PBRM1: variants seen among roughly 807,000 people sequenced by gnomAD.
PBRM1 encodes the protein protein polybromo-1.
A neutral mutation model predicts 194.5 loss-of-function variants in PBRM1; 27 were observed. The observed-to-expected ratio is 0.14, with a 90% CI of 0.10 to 0.19. PBRM1 has a LOEUF of 0.19. PBRM1 is among the 10% of genes least tolerant of loss of function. The pLI, the probability that PBRM1 is intolerant of heterozygous loss-of-function variation, is 1.00. For synonymous variants in PBRM1, 655 were observed against 693.2 expected (o/e 0.94, Z 0.87); for missense variants, 1,466 against 2,077.2 (o/e 0.71, Z 5.72).
At chr3:52,597,625 C>T (rs918901335) in intron 17 of PBRM1, among the ~76,000 whole-genome samples, 1 of 152,092 alleles carries the variant, frequency 6.6e-6, no homozygotes, top group African/African-American at 2.4e-5. Context: ...CTGGCACCAT[C>T]ACAGCTCACT....
chr3:52,566,528 C>T (rs1393842976), intron 22 of PBRM1, among the ~76,000 whole-genome samples: 3 of 152,066 alleles, frequency 2.0e-5, no homozygotes, highest in African/African-American at 4.8e-5. Context: ...GCCTTGAAAA[C>T]ATTAGGCTAA....
At chr3:52,619,838 C>A (rs556408133) in intron 13 of PBRM1, among the ~76,000 whole-genome samples, 43 of 152,220 alleles carry the variant, frequency 2.8e-4, no homozygotes, top group African/African-American at 1.0e-3. Flanking sequence ...TTCAGAAATG[C>A]CTATAACTCA....
intron 20 of PBRM1, among the ~76,000 whole-genome samples, chr3:52,584,832 T>TA (rs2092111101): frequency 6.6e-6 from 1 of 152,180 alleles, no homozygotes; most frequent in Non-Finnish European, 1.5e-5. Flanking sequence ...AAATATTAAG[T>TA]AACACTAGAA....
At chr3:52,558,338 C>T (rs968064758) in exon 26 of PBRM1, 8 of 1,549,924 alleles carry the variant, frequency 5.2e-6, no homozygotes, top group Admixed American at 3.9e-5. Flanking sequence ...GGTGCCTGCT[C>T]GGGGAGAAGC....
chr3:52,684,071 G>A (rs559839273), upstream of PBRM1, among the ~76,000 whole-genome samples: 2 of 150,892 alleles, frequency 1.3e-5, no homozygotes, highest in Non-Finnish European at 2.9e-5. Context: ...GGGATGCTGA[G>A]GTGAGAGGAC....
chr3:52,584,616 T>G (rs936980634), intron 20 of PBRM1, among the ~76,000 whole-genome samples: 1 of 151,920 alleles, frequency 6.6e-6, no homozygotes, highest in Non-Finnish European at 1.5e-5. Flanking sequence ...CTACCATGCC[T>G]GGCTAATTTT....
chr3:52,550,853 C>G (rs1250441072), intron 27 of PBRM1, 36 bp from the exon 30 acceptor site: 1 of 1,416,714 alleles, frequency 7.1e-7, no homozygotes, highest in East Asian at 2.3e-5. Flanking sequence ...GTTAGAGGCT[C>G]TGGGTTGAAA....
At chr3:52,644,327 T>C (rs2096222813) in intron 8 of PBRM1, among the ~76,000 whole-genome samples, 1 of 152,146 alleles carries the variant, frequency 6.6e-6, no homozygotes, top group Admixed American at 6.6e-5. Flanking sequence ...ACCGTGTTAA[T>C]GTTTATTGAT....
intron 8 of PBRM1, among the ~76,000 whole-genome samples, chr3:52,644,343 TA>T (rs2096223356): frequency 6.6e-6 from 1 of 152,084 alleles, no homozygotes; most frequent in Admixed American, 6.6e-5. Context: ...TTGATTTCAC[TA>T]CCTAGAAAAC....
At chr3:52,638,915 T>C (rs1369124591) in intron 10 of PBRM1, among the ~76,000 whole-genome samples, 1 of 147,846 alleles carries the variant, frequency 6.8e-6, no homozygotes, top group Non-Finnish European at 1.5e-5. Context: ...CCATTTTAGG[T>C]GCTTATTTTC....
At chr3:52,584,074 T>C (rs988749958) in intron 20 of PBRM1, among the ~76,000 whole-genome samples, 7 of 152,204 alleles carry the variant, frequency 4.6e-5, no homozygotes, top group African/African-American at 1.4e-4. Flanking sequence ...TACCCCTTTT[T>C]CCCCCTTGTT....
At chr3:52,596,560 T>C (rs1180292396) in intron 17 of PBRM1, among the ~76,000 whole-genome samples, 1 of 149,756 alleles carries the variant, frequency 6.7e-6, no homozygotes, top group Non-Finnish European at 1.5e-5. Flanking sequence ...CAGCAGGTGA[T>C]GAATTCTACC....
At chr3:52,595,585 G>A (rs1467682066) in intron 17 of PBRM1, among the ~76,000 whole-genome samples, 2 of 152,176 alleles carry the variant, frequency 1.3e-5, no homozygotes, top group Admixed American at 6.5e-5. Flanking sequence ...AATCCATTGT[G>A]AGATGGTTAG....
At position 52,579,250 on chromosome 3, in the gene PBRM1, G is replaced by A. The variant is rs779928743; in HGVS notation, c.3388-51C>T. 26 of 1,525,136 alleles carry A rather than the reference G, an allele frequency of 1.7e-5. No individual in the cohort carries two copies. The South Asian group carries it at 2.8e-4, about 17-fold the overall frequency. 94.5% of individuals were successfully genotyped at this position (1,525,136 alleles called of 1,614,324 possible). A position where few individuals can be genotyped will look rare whatever the true frequency, so the allele number is the denominator to read the frequency against. ...AAAGGTAGTTGATAATCAAGGAATAGAGAAGGTAAGAAACGAAAGCAGACT... is the reference window on the plus strand; with the variant it reads ...AAAGGTAGTTGATAATCAAGGAATAAAGAAGGTAAGAAACGAAAGCAGACT... On this transcript the variant is annotated intron_variant, in intron 20 of 29. Transcript: ENST00000296302.
intron 7 of PBRM1, 113 bp from the exon 9 acceptor site, chr3:52,644,902 T>G: frequency 2.0e-6 from 1 of 503,554 alleles, no homozygotes; most frequent in Non-Finnish European, 3.6e-6. Context: ...TGGAGCAGAC[T>G]TCCATTCAAT....
intron 22 of PBRM1, among the ~76,000 whole-genome samples, chr3:52,574,626 T>C (rs1266510107): frequency 1.3e-5 from 2 of 152,136 alleles, no homozygotes; most frequent in Non-Finnish European, 2.9e-5. Context: ...CCAACAATAG[T>C]GTACATGCTC....
At chr3:52,580,848 A>T (rs977510567) in intron 20 of PBRM1, among the ~76,000 whole-genome samples, 6 of 152,192 alleles carry the variant, frequency 3.9e-5, no homozygotes, top group Admixed American at 3.9e-4. Context: ...AGTACATAGA[A>T]AAATGCCTAA....
intron 10 of PBRM1, 127 bp downstream of exon 11, chr3:52,641,827 C>T: frequency 4.0e-6 from 3 of 751,138 alleles, no homozygotes; most frequent in East Asian, 2.5e-5. Context: ...AGAGTACAAT[C>T]AAATGCAATA....
intron 5 of PBRM1, among the ~76,000 whole-genome samples, chr3:52,652,604 C>T (rs566324112): frequency 4.6e-5 from 7 of 151,804 alleles, no homozygotes; most frequent in African/African-American, 1.2e-4. Flanking sequence ...GGAGGAGAAT[C>T]GCTTGAACCC....
Sources: allele counts gnomAD v4.1 joint callset (sites outside exome capture counted in the v4.1 genomes callset), GRCh38; gene constraint gnomAD v4.1.1; transcripts MANE v1.5; gene names NCBI Gene and HGNC (gene_info 2026-07-23, HGNC 2026-07-21).